PGAP1: variants seen among roughly 807,000 people sequenced by gnomAD.
PGAP1 encodes the protein GPI inositol-deacylase.
In PGAP1, 76 loss-of-function variants were observed where a neutral mutation model predicts 127.0. The ratio of observed to expected loss-of-function variants is 0.60; its 90% CI spans 0.50 to 0.72. The LOEUF (loss-of-function observed/expected upper bound fraction) is 0.72. Ranked by LOEUF, PGAP1 falls within the 30% of genes least tolerant of loss-of-function variation. The probability of loss-of-function intolerance (pLI) is 0.00; values close to 1 mark genes in which losing one functional copy is unlikely to be tolerated. For missense variants in PGAP1, 982 were observed against 1,071.3 expected, an observed-to-expected ratio of 0.92 and a Z score of 1.16; for synonymous variants, 362 against 366.5, an observed-to-expected ratio of 0.99 and a Z score of 0.14.
intron 1 of PGAP1, chr2:196,922,228 G>T: frequency 7.9e-7 from 1 of 1,261,176 alleles, no homozygotes; most frequent in South Asian, 1.3e-5. Context: ...AAACTCCCAG[G>T]TAATAGAAAA....
chr2:196,880,235 T>C (rs1701689981), intron 12 of PGAP1, 82 bp from the exon 13 acceptor site: 1 of 854,288 alleles, frequency 1.2e-6, no homozygotes. Flanking sequence ...ACTTATTTCT[T>C]ACTTAATTCG....
At chr2:196,860,903 A>G (rs1217855311) in intron 20 of PGAP1, among the ~76,000 whole-genome samples, 1 of 152,240 alleles carries the variant, frequency 6.6e-6, no homozygotes, top group Non-Finnish European at 1.5e-5. Flanking sequence ...AAAAAGAACA[A>G]AGCTGGAGGC....
chr2:196,878,445 T>C (rs2125805140), intron 13 of PGAP1, among the ~76,000 whole-genome samples: 1 of 152,254 alleles, frequency 6.6e-6, no homozygotes, highest in Non-Finnish European at 1.5e-5. Context: ...ACTCAAAAAG[T>C]TTTAGATGGC....
In PGAP1 at chr2:196,869,570, G is replaced by A. The variant is rs60649927; in HGVS notation, c.1767+1371C>T. On this transcript the variant is annotated intron_variant, in intron 19 of 26. Coordinates refer to ENST00000354764, the MANE Select transcript of PGAP1 (RefSeq NM_024989.4). ...AGGATGGTCTTGGTCTCCTGACCTCGTGATCCATCCACCTCAGCCTCCCAA... is the reference window on the plus strand; with the variant it reads ...AGGATGGTCTTGGTCTCCTGACCTCATGATCCATCCACCTCAGCCTCCCAA... Among the ~76,000 whole-genome samples the A allele has an allele frequency of 7.2e-3, 1,090 of 152,222 alleles. 14 individuals are homozygous for A. The highest frequency in any genetic ancestry group is 0.024 in the African/African-American group (980 of 41,554).
chr2:196,897,129 A>T lies in PGAP1; in HGVS notation c.927+2T>A. The T allele has an allele frequency of 6.6e-7, 1 of 1,520,568 alleles. No homozygotes were observed. Among genetic ancestry groups the T allele is most frequent in the Non-Finnish European group, 9.0e-7 (1 of 1,110,942 alleles). 94.2% of individuals were successfully genotyped at this position (1,520,568 alleles called of 1,614,324 possible). On this transcript the variant is annotated splice_donor_variant, in intron 7 of 26. Transcript: ENST00000354764. LOFTEE classifies it high-confidence loss of function. ...AATAATTTTTAGTTTAAAAATACAT[A>T]CTTGTTTAGTATCAGCATCAATAAG... is the stretch of plus-strand genomic sequence containing the variant.
chr2:196,896,811 A>G (rs1702292017), intron 7 of PGAP1, among the ~76,000 whole-genome samples: 4 of 145,160 alleles, frequency 2.8e-5, no homozygotes, highest in Admixed American at 2.1e-4. Flanking sequence ...CCTGTGCAAC[A>G]GAGTGAGACT....
intron 13 of PGAP1, among the ~76,000 whole-genome samples, chr2:196,878,598 G>T (rs1701635203): frequency 6.6e-6 from 1 of 152,114 alleles, no homozygotes; most frequent in East Asian, 1.9e-4. Context: ...AGCATAAGGA[G>T]ATTAATCTTC....
In PGAP1 at chr2:196,844,049, T is replaced by C. The variant is rs898775718; in HGVS notation, c.2364A>G (p.Glu788=). Residue 788 remains glutamate (E), a synonymous_variant, in exon 25 of 27, where the codon GAA becomes GAG. Coordinates refer to ENST00000354764, the MANE Select transcript of PGAP1 (RefSeq NM_024989.4). ...AGTCTTTATGATGATTGGATTTCTT[T>C]TCACTTCTTCTAGAGTGTTTGGGAT... ...PVNPKHSRRS[E]KKSNHHKDSS... is the part of the protein sequence containing the mutation. The C allele has an allele frequency of 1.3e-6, 2 of 1,594,488 alleles. No individual in the cohort carries two copies. The highest frequency in any genetic ancestry group is 2.7e-5 in the African/African-American group (2 of 74,668).
At chr2:196,884,107 T>G (rs1296930489) in intron 12 of PGAP1, among the ~76,000 whole-genome samples, 2 of 152,180 alleles carry the variant, frequency 1.3e-5, no homozygotes, top group Admixed American at 6.5e-5. Flanking sequence ...AAATACCTTT[T>G]AAAACATAGG....
intron 20 of PGAP1, among the ~76,000 whole-genome samples, chr2:196,851,761 C>A (rs1170534518): frequency 6.6e-6 from 1 of 152,128 alleles, no homozygotes; most frequent in Non-Finnish European, 1.5e-5. Flanking sequence ...AAGGTAGAAC[C>A]TCTTGACTTT....
At chr2:196,876,133 TG>T (rs1701562853) in intron 13 of PGAP1, among the ~76,000 whole-genome samples, 1 of 152,128 alleles carries the variant, frequency 6.6e-6, no homozygotes, top group South Asian at 2.1e-4. Flanking sequence ...CAGTAAAGGA[TG>T]GATGAAAGTA....
At chr2:196,914,038 G>A (rs1473055170) in intron 3 of PGAP1, among the ~76,000 whole-genome samples, 1 of 152,124 alleles carries the variant, frequency 6.6e-6, no homozygotes, top group East Asian at 1.9e-4. Flanking sequence ...CAATATGCTG[G>A]TATAGGAATT....
Position 196,833,018 on chromosome 2 carries a change from A to T in PGAP1, c.*8216T>A, listed in dbSNP as rs950266422. ...TTTTTACCATGTGCGTATTCAACCAAATTTATTTTTGAACATTCAGAACAC... is the reference window on the plus strand; with the variant it reads ...TTTTTACCATGTGCGTATTCAACCATATTTATTTTTGAACATTCAGAACAC... On this transcript the variant is annotated 3_prime_UTR_variant, in exon 27 of 27. Coordinates refer to ENST00000354764, the MANE Select transcript of PGAP1 (RefSeq NM_024989.4). The T allele has an allele frequency of 4.6e-5, 7 of 152,142 alleles. No individual in the cohort carries two copies. Among genetic ancestry groups the T allele is most frequent in the Admixed American group, 1.3e-4 (2 of 15,212 alleles). The allele number at this position is 152,142 out of a possible 1,614,324, so 9.4% of individuals were successfully genotyped here.
intron 8 of PGAP1, among the ~76,000 whole-genome samples, chr2:196,892,638 T>G (rs1437015813): frequency 1.3e-5 from 2 of 152,076 alleles, no homozygotes; most frequent in East Asian, 3.8e-4. Context: ...TAAGGAATTA[T>G]CAACATAGGA....
chr2:196,905,958 G>T (rs1368942715), intron 4 of PGAP1, among the ~76,000 whole-genome samples: 1 of 69,272 alleles, frequency 1.4e-5, no homozygotes. Flanking sequence ...CTACGCCCAC[G>T]GAATCTCGCT....
In PGAP1 at chr2:196,834,463, T is replaced by C. The variant is rs1410091106; in HGVS notation, c.*6771A>G. 1 of 152,440 alleles carries C rather than the reference T, an allele frequency of 6.6e-6. No homozygotes were observed. The highest frequency in any genetic ancestry group is 1.5e-5 in the Non-Finnish European group (1 of 67,884). The allele number at this position is 152,440 out of a possible 1,614,324, so 9.4% of individuals were successfully genotyped here. On this transcript the variant is annotated 3_prime_UTR_variant, in exon 27 of 27. Transcript: ENST00000354764. ...CACTCTTTATCATTTCAAGGCACAC[T>C]CTGTTTTATCCCAAATGACTATAAG...
intron 19 of PGAP1, among the ~76,000 whole-genome samples, chr2:196,870,221 T>C (rs1386358024): frequency 2.6e-5 from 4 of 152,212 alleles, no homozygotes; most frequent in Non-Finnish European, 4.4e-5. Context: ...TTCATTTATA[T>C]GGCAGAGCCT....
chr2:196,892,409 TA>T lies in PGAP1; in HGVS notation c.1034-9del. ...GAACCCACATAGATGTCCCTGAAGG[TA>T]AAGGAAATTAATTTATTTGCCTTGT... is the stretch of plus-strand genomic sequence containing the variant. On this transcript the variant is annotated splice_polypyrimidine_tract_variant and intron_variant, in intron 8 of 26. Coordinates refer to ENST00000354764, the MANE Select transcript of PGAP1 (RefSeq NM_024989.4). The T allele has an allele frequency of 7.6e-7, 1 of 1,314,574 alleles. No individual in the cohort carries two copies. Among genetic ancestry groups the T allele is most frequent in the Non-Finnish European group, 1.1e-6 (1 of 939,968 alleles). The allele number at this position is 1,314,574 out of a possible 1,614,324, so 81.4% of individuals were successfully genotyped here.
At position 196,916,486 on chromosome 2, in the gene PGAP1, C is replaced by T. The variant is rs1405035738; in HGVS notation, c.409G>A (p.Gly137Ser). 8.1e-6 allele frequency: 13 copies of T among 1,613,392 alleles called. No individual in the cohort carries two copies. The Admixed American group carries it at 2.2e-4, about 27-fold the overall frequency. Residue 137 changes from glycine to serine, a missense_variant, in exon 3 of 27, where the codon GGT becomes AGT. Transcript: ENST00000354764. ...NFNEELVALY[G>S]GSLQKQTKFV... Reference sequence around the variant, plus strand: ...TTGGTCTGCTTCTGAAGACTTCCACCATACAAAGCCACCAGTTCTTCATTG... The same window carrying T: ...TTGGTCTGCTTCTGAAGACTTCCACTATACAAAGCCACCAGTTCTTCATTG...
Sources: allele counts gnomAD v4.1 joint callset (sites outside exome capture counted in the v4.1 genomes callset), GRCh38; gene constraint gnomAD v4.1.1; transcripts MANE v1.5; gene names NCBI Gene and HGNC (gene_info 2026-07-23, HGNC 2026-07-21).